HUNK: variants seen among roughly 807,000 people sequenced by gnomAD.
The protein encoded by HUNK is hormonally up-regulated Neu-associated kinase.
In HUNK, 21 loss-of-function variants were observed where a neutral mutation model predicts 61.0. That is an observed-to-expected ratio of 0.34 (90% CI 0.24 to 0.50). HUNK has a LOEUF of 0.50. HUNK is among the 20% of genes least tolerant of loss of function. HUNK has a pLI of 0.98. For synonymous variants in HUNK, 371 were observed against 386.1 expected (o/e 0.96, Z 0.46); for missense variants, 772 against 945.7 (o/e 0.82, Z 2.41).
chr21:31,892,820 C>T (rs2077645335), intron 1 of HUNK, among the ~76,000 whole-genome samples: 1 of 152,120 alleles, frequency 6.6e-6, no homozygotes, highest in Non-Finnish European at 1.5e-5. Flanking sequence ...ACCGCGATGC[C>T]TCTCTGGATG....
At chr21:31,974,974 C>T (rs1476510488) in intron 7 of HUNK, among the ~76,000 whole-genome samples, 2 of 151,678 alleles carry the variant, frequency 1.3e-5, no homozygotes, top group African/African-American at 2.4e-5. Flanking sequence ...GCCTCTTTTT[C>T]CTTCAACAGC....
chr21:31,996,546 G>A lies in HUNK; in HGVS notation c.1486+598G>A, dbSNP rs73354702. On this transcript the variant is annotated intron_variant, in intron 10 of 10. Transcript: ENST00000270112. ...CAAATATGTTTCCCTCCTCTGGGAC[G>A]AGTGCTAAAAGATGCAAAAGGCAGA... Among the ~76,000 whole-genome samples the A allele has an allele frequency of 4.4e-3, 665 of 152,256 alleles. 8 individuals are homozygous for A. The highest frequency in any genetic ancestry group is 0.016 in the African/African-American group (646 of 41,546).
chr21:31,960,463 A>G (rs2052919587), intron 5 of HUNK, among the ~76,000 whole-genome samples: 1 of 152,164 alleles, frequency 6.6e-6, no homozygotes, highest in African/African-American at 2.4e-5. Context: ...ATTGCTAGAA[A>G]TAATACAAAG....
At chr21:31,885,210 G>A (rs1007645697) in intron 1 of HUNK, among the ~76,000 whole-genome samples, 1 of 152,220 alleles carries the variant, frequency 6.6e-6, no homozygotes, top group South Asian at 2.1e-4. Context: ...AACCTTTCAA[G>A]GAGCAAGAGC....
intron 1 of HUNK, among the ~76,000 whole-genome samples, chr21:31,876,393 A>G (rs2052262723): frequency 1.3e-5 from 2 of 152,208 alleles, no homozygotes; most frequent in Admixed American, 1.3e-4. Context: ...CATTCATAAC[A>G]TTTATCTCCC....
intron 2 of HUNK, among the ~76,000 whole-genome samples, chr21:31,929,758 G>A (rs2052684624): frequency 6.6e-6 from 1 of 152,206 alleles, no homozygotes; most frequent in South Asian, 2.1e-4. Flanking sequence ...TCAACACCGT[G>A]GCTCCCAGGG....
At chr21:31,976,014 G>C (rs936621343) in intron 7 of HUNK, among the ~76,000 whole-genome samples, 2 of 152,196 alleles carry the variant, frequency 1.3e-5, no homozygotes, top group Non-Finnish European at 2.9e-5. Context: ...TTGTGCTTCC[G>C]CAGGAAATTA....
intron 5 of HUNK, among the ~76,000 whole-genome samples, chr21:31,965,886 G>A (rs1302716142): frequency 6.6e-6 from 1 of 152,144 alleles, no homozygotes. Context: ...ACAGTTGTGA[G>A]CCACTGCTCC....
At chr21:31,931,068 C>CAAAAAA (rs10673838) in intron 2 of HUNK, among the ~76,000 whole-genome samples, 34 of 74,812 alleles carry the variant, frequency 4.5e-4, no homozygotes, top group Non-Finnish European at 6.0e-4. Context: ...AAGACCTAAC[C>CAAAAAA]AAAAAAAAAA....
At chr21:31,982,357 A>G (rs1431741666) in intron 7 of HUNK, among the ~76,000 whole-genome samples, 1 of 152,244 alleles carries the variant, frequency 6.6e-6, no homozygotes, top group African/African-American at 2.4e-5. Flanking sequence ...AGACAACTCA[A>G]CTGCTCAGTA....
chr21:31,879,964 C>T (rs774830209), intron 1 of HUNK, among the ~76,000 whole-genome samples: 1 of 152,172 alleles, frequency 6.6e-6, no homozygotes. Flanking sequence ...TAAGTACTGA[C>T]CTGAATTGAA....
intron 1 of HUNK, among the ~76,000 whole-genome samples, chr21:31,913,571 G>T (rs2052560239): frequency 1.3e-5 from 2 of 151,988 alleles, no homozygotes; most frequent in African/African-American, 4.8e-5. Flanking sequence ...CCCCAGAGAG[G>T]AGTTGGGGCC....
chr21:31,935,353 A>G (rs1348370674), intron 2 of HUNK, among the ~76,000 whole-genome samples: 2 of 152,164 alleles, frequency 1.3e-5, no homozygotes, highest in African/African-American at 4.8e-5. Context: ...CCTGTTACGA[A>G]TATCTTGTGT....
At chr21:31,931,068 CAAAAAAAAAAAA>C in intron 2 of HUNK, among the ~76,000 whole-genome samples, 1 of 75,154 alleles carries the variant, frequency 1.3e-5, no homozygotes, top group African/African-American at 5.2e-5. Context: ...AAGACCTAAC[CAAAAAAAAAAAA>C]AAAAAAAAAA....
Position 31,873,722 on chromosome 21 carries a change from T to TGGGGGC in HUNK, c.51_56dup (p.Gly20_Gly21dup). 1 of 1,208,870 alleles carries TGGGGGC rather than the reference T, an allele frequency of 8.3e-7. No homozygotes were observed. Among genetic ancestry groups the TGGGGGC allele is most frequent in the African/African-American group, 1.6e-5 (1 of 62,268 alleles). The allele number at this position is 1,208,870 out of a possible 1,614,324, so 74.9% of individuals were successfully genotyped here. A position where few individuals can be genotyped will look rare whatever the true frequency, so the allele number is the denominator to read the frequency against. ...GGCTCCTGGGGGAGCCGGCGGCGCC[T>TGGGGGC]GGGGGCGGCGGCGGCGCGGAGGACG... is the stretch of plus-strand genomic sequence containing the variant. On this transcript the variant is annotated inframe_insertion, in exon 1 of 11. Coordinates refer to ENST00000270112, the MANE Select transcript of HUNK (RefSeq NM_014586.2). This position sits in a 1 kb window ranked among gnomAD's most constrained non-coding sequence, Gnocchi z 6.1.
Position 31,998,676 on chromosome 21 carries a change from G to T in HUNK, c.1637G>T (p.Gly546Val). ...EPHQPGPGST[G>V]IPHKEDPLML... ...CATCAGCCAGGGCCCGGAAGCACTG[G>T]CATCCCCCACAAGGAAGACCCCCTG... The change falls in exon 11 of 11, where the codon GGC (glycine) becomes GTC (valine). Residue 546 changes from glycine (G) to valine (V), a missense_variant. By Grantham distance (109) the Gly-to-Val change is moderately radical (BLOSUM62 -3). Coordinates refer to ENST00000270112, the MANE Select transcript of HUNK (RefSeq NM_014586.2). 5.0e-6 allele frequency: 8 copies of T among 1,614,116 alleles called. No homozygotes were observed. The highest frequency in any genetic ancestry group is 6.8e-6 in the Non-Finnish European group (8 of 1,180,020).
intron 1 of HUNK, among the ~76,000 whole-genome samples, chr21:31,917,286 A>G (rs534111007): frequency 8.7e-4 from 132 of 151,960 alleles, no homozygotes; most frequent in African/African-American, 3.1e-3. Flanking sequence ...TGGAACTCCC[A>G]GACTCAAGCG....
intron 4 of HUNK, 119 bp downstream of exon 4, chr21:31,946,290 A>T (rs1010205966): frequency 1.2e-5 from 12 of 985,088 alleles, no homozygotes; most frequent in East Asian, 2.8e-5. Context: ...GGAGTATGTC[A>T]TCAGGGATTC....
intron 10 of HUNK, among the ~76,000 whole-genome samples, chr21:31,997,845 T>C (rs995373118): frequency 3.3e-5 from 5 of 152,186 alleles, no homozygotes; most frequent in African/African-American, 1.2e-4. Context: ...TTCTGGGAGT[T>C]TTATGGATGT....
Sources: gnomAD v4.1 joint callset for allele counts (sites outside exome capture counted in the v4.1 genomes callset) on GRCh38, gnomAD v4.1.1 for gene constraint, Gnocchi (gnomAD v3.1) non-coding constraint, MANE v1.5 for transcripts, NCBI Gene and HGNC (gene_info 2026-07-23, HGNC 2026-07-21) for gene names.